The following EYS variants were observed in gnomAD, a reference collection of about 807,000 sequenced individuals.
The protein encoded by EYS is protein eyes shut homolog.
Under a neutral mutation model 282.1 loss-of-function variants are expected in EYS, and 250 were observed. That is an observed-to-expected ratio of 0.89 (90% CI 0.80 to 0.98). The LOEUF (loss-of-function observed/expected upper bound fraction) is 0.98. EYS is among the 50% of genes least tolerant of loss of function. The pLI, the probability that EYS is intolerant of heterozygous loss-of-function variation, is 0.00. For missense variants in EYS, 4,016 were observed against 3,709.0 expected (o/e 1.08, Z -2.15); for synonymous variants, 1,355 against 1,282.9 (o/e 1.06, Z -1.20).
chr6:64,695,566 A>G (rs1389692731), intron 22 of EYS, among the ~76,000 whole-genome samples: 1 of 149,242 alleles, frequency 6.7e-6, no homozygotes, highest in Non-Finnish European at 1.5e-5. Flanking sequence ...ATGCCAAATA[A>G]TCATACTTTT....
chr6:63,914,837 C>T (rs1450908918), intron 35 of EYS, among the ~76,000 whole-genome samples: 1 of 152,052 alleles, frequency 6.6e-6, no homozygotes, highest in Non-Finnish European at 1.5e-5. Context: ...AGAGCAGGGC[C>T]TTAACTCTTT....
intron 18 of EYS, 148 bp from the exon 19 acceptor site, chr6:64,886,990 T>C (rs1767111257): frequency 1.6e-6 from 1 of 621,460 alleles, no homozygotes; most frequent in South Asian, 3.0e-5. Context: ...TGAAAAAATA[T>C]AGCAATTCTC....
intron 33 of EYS, among the ~76,000 whole-genome samples, chr6:64,006,245 C>A (rs759055837): frequency 5.3e-5 from 8 of 152,016 alleles, no homozygotes; most frequent in Non-Finnish European, 8.8e-5. Context: ...AATAGGATTG[C>A]ATTATTGATT....
At chr6:65,197,559 G>C (rs766915235) in intron 12 of EYS, among the ~76,000 whole-genome samples, 2 of 152,074 alleles carry the variant, frequency 1.3e-5, no homozygotes, top group Non-Finnish European at 2.9e-5. Context: ...GATGACATTA[G>C]ATATATAGTC....
intron 12 of EYS, among the ~76,000 whole-genome samples, chr6:65,192,110 T>A (rs2150240328): frequency 1.3e-5 from 2 of 151,954 alleles, no homozygotes; most frequent in Middle Eastern, 6.8e-3. Context: ...TCCTTTGGTG[T>A]TAGAAGCTCA....
chr6:64,814,787 A>T (rs1347814911), intron 21 of EYS, among the ~76,000 whole-genome samples: 1 of 151,976 alleles, frequency 6.6e-6, no homozygotes, highest in African/African-American at 2.4e-5. Context: ...ACCAACTTGA[A>T]TCATTTTGCA....
chr6:64,849,978 A>T (rs1191388241), intron 19 of EYS, among the ~76,000 whole-genome samples: 4 of 152,022 alleles, frequency 2.6e-5, no homozygotes, highest in Non-Finnish European at 5.9e-5. Context: ...GGTTTCACTC[A>T]CACTCACAGG....
intron 36 of EYS, among the ~76,000 whole-genome samples, chr6:63,861,553 A>G (rs533696028): frequency 1.3e-5 from 2 of 152,220 alleles, no homozygotes; most frequent in African/African-American, 2.4e-5. Context: ...CCAAGGCCCT[A>G]TATGATCTAG....
Position 64,325,243 on chromosome 6 carries a change from C to T in EYS, c.6079-18161G>A, listed in dbSNP as rs753874255. Among the ~76,000 whole-genome samples the T allele has an allele frequency of 1.4e-4, 21 of 152,272 alleles. 1 individual carries two copies. Among genetic ancestry groups the T allele is most frequent in the Admixed American group, 1.3e-3 (20 of 15,290 alleles). ...CTGAGAGACCACAGATGGTTAATAT[C>T]ACAGGACTCTGTGCAGACAACCCCC... On this transcript the variant is annotated intron_variant, in intron 29 of 42. Coordinates refer to ENST00000503581, the MANE Select transcript of EYS (RefSeq NM_001142800.2).
At chr6:64,872,038 G>T (rs1218529393) in intron 19 of EYS, among the ~76,000 whole-genome samples, 1 of 151,998 alleles carries the variant, frequency 6.6e-6, no homozygotes, top group Non-Finnish European at 1.5e-5. Flanking sequence ...TATTAAAGAT[G>T]GAGAATCTTG....
At chr6:65,460,742 A>C (rs1242352246) in intron 5 of EYS, among the ~76,000 whole-genome samples, 1 of 152,124 alleles carries the variant, frequency 6.6e-6, no homozygotes, top group Non-Finnish European at 1.5e-5. Context: ...TACAAACAAC[A>C]CAATAGTTGC....
At chr6:63,745,131 A>T (rs1769181662) in intron 41 of EYS, 1 of 331,492 alleles carries the variant, frequency 3.0e-6, no homozygotes, top group Admixed American at 4.6e-5. Context: ...ATATTTGCCA[A>T]ATCTGCTAAA....
chr6:65,583,341 T>C (rs1764933503), intron 2 of EYS, among the ~76,000 whole-genome samples: 1 of 152,024 alleles, frequency 6.6e-6, no homozygotes, highest in Admixed American at 6.6e-5. Flanking sequence ...ATGGTATATT[T>C]ATGTCACATT....
chr6:65,091,597 G>C (rs1774570163), intron 12 of EYS, among the ~76,000 whole-genome samples: 1 of 151,976 alleles, frequency 6.6e-6, no homozygotes, highest in Non-Finnish European at 1.5e-5. Flanking sequence ...CAATTTTATG[G>C]TTTGTTAAAA....
intron 2 of EYS, among the ~76,000 whole-genome samples, chr6:65,566,090 A>G (rs1433383398): frequency 9.5e-6 from 1 of 104,816 alleles, no homozygotes; most frequent in Non-Finnish European, 2.0e-5. Context: ...CAGAACTGAA[A>G]GTATTAAAAA....
At chr6:64,957,545 A>G (rs1035004492) in intron 14 of EYS, among the ~76,000 whole-genome samples, 12 of 152,206 alleles carry the variant, frequency 7.9e-5, no homozygotes, top group African/African-American at 2.9e-4. Flanking sequence ...ATAGTCAATA[A>G]CAACTTAATT....
intron 29 of EYS, among the ~76,000 whole-genome samples, chr6:64,352,315 C>T (rs1013284645): frequency 4.0e-5 from 6 of 151,446 alleles, no homozygotes; most frequent in Non-Finnish European, 1.5e-5. Context: ...CAATATAGTA[C>T]CTAGTTACCA....
At chr6:64,081,505 A>C (rs964335715) in intron 32 of EYS, among the ~76,000 whole-genome samples, 3 of 152,210 alleles carry the variant, frequency 2.0e-5, no homozygotes. Flanking sequence ...CCTTTTCCCA[A>C]GTTATCAAGT....
rs748168723 is a variant in EYS at position 65,299,405 on chromosome 6, A to AC, written c.1767-3287dup. On this transcript the variant is annotated intron_variant, in intron 11 of 42. Coordinates refer to ENST00000503581, the MANE Select transcript of EYS (RefSeq NM_001142800.2). ...TCCTTTGCACCACATCCTTCCCCTG[A>AC]CCCCCCCCAAAAAACAACTTGGCAG... Among the ~76,000 whole-genome samples, 356 of 150,336 alleles carry AC rather than the reference A, an allele frequency of 2.4e-3. 1 individual carries two copies. The highest frequency in any genetic ancestry group is 3.7e-3 in the Non-Finnish European group (253 of 67,512).
Sources: gnomAD v4.1 joint callset for allele counts (sites outside exome capture counted in the v4.1 genomes callset) on GRCh38, gnomAD v4.1.1 for gene constraint, MANE v1.5 for transcripts, NCBI Gene and HGNC (gene_info 2026-07-23, HGNC 2026-07-21) for gene names.